CEP112: variants seen among roughly 807,000 people sequenced by gnomAD.
CEP112 encodes centrosomal protein 112.
CEP112 carries 127 observed loss-of-function variants against 153.0 expected under a neutral mutation model. That is an observed-to-expected ratio of 0.83 (90% CI 0.72 to 0.96). The LOEUF (loss-of-function observed/expected upper bound fraction) is 0.96, where lower values mean the gene tolerates loss of function less well. Ranked by LOEUF, CEP112 falls within the 40% of genes least tolerant of loss-of-function variation. The probability of loss-of-function intolerance (pLI) is 0.00; values close to 1 mark genes in which losing one functional copy is unlikely to be tolerated. For missense variants in CEP112, 1,089 were observed against 1,101.2 expected (o/e 0.99, Z 0.16); for synonymous variants, 358 against 374.4 (o/e 0.96, Z 0.51).
At chr17:66,168,665 A>C (rs1408811775) in intron 4 of CEP112, among the ~76,000 whole-genome samples, 1 of 152,118 alleles carries the variant, frequency 6.6e-6, no homozygotes, top group African/African-American at 2.4e-5. Context: ...CAGGCATATA[A>C]TAATCCTTCT....
At chr17:66,076,410 T>C (rs941803212) in intron 8 of CEP112, among the ~76,000 whole-genome samples, 2 of 152,058 alleles carry the variant, frequency 1.3e-5, no homozygotes, top group African/African-American at 2.4e-5. Context: ...GTGTGGGAGC[T>C]GGGTGAGAGC....
chr17:65,955,563 C>T (rs748252590), intron 18 of CEP112, among the ~76,000 whole-genome samples: 1 of 152,058 alleles, frequency 6.6e-6, no homozygotes, highest in Admixed American at 6.5e-5. Flanking sequence ...ATGGCAGAAT[C>T]GATAAGAATT....
intron 23 of CEP112, among the ~76,000 whole-genome samples, chr17:65,691,090 G>A (rs58679795): frequency 1.2e-3 from 190 of 152,120 alleles, no homozygotes; most frequent in African/African-American, 4.4e-3. Flanking sequence ...GCAGAGAGAG[G>A]AAAAAACAGG....
At chr17:66,140,642 C>G (rs1484130344) in intron 4 of CEP112, among the ~76,000 whole-genome samples, 1 of 151,892 alleles carries the variant, frequency 6.6e-6, no homozygotes. Flanking sequence ...AAAAAGAAAT[C>G]AAGAGAGCAG....
In CEP112 at chr17:66,096,500, C is replaced by T. The variant is rs537537266; in HGVS notation, c.690+85G>A. ...ACTATTATGTTTCCTAATGTAGATC[C>T]GCATTATTTTCTATAAATAACTTAG... is the stretch of plus-strand genomic sequence containing the variant. On this transcript the variant is annotated intron_variant, in intron 7 of 26. Transcript: ENST00000535342. 8.4e-5 allele frequency: 96 copies of T among 1,139,784 alleles called. 3 individuals carry two copies. In the East Asian group the frequency reaches 1.3e-3, roughly 15 times the overall value. 70.6% of individuals were successfully genotyped at this position (1,139,784 alleles called of 1,614,324 possible).
Position 65,927,662 on chromosome 17 carries a change from T to G in CEP112, c.1900A>C (p.Arg634=). 6.3e-7 allele frequency: 1 copy of G among 1,583,978 alleles called. No homozygotes were observed. Among genetic ancestry groups the G allele is most frequent in the South Asian group, 1.2e-5 (1 of 82,794 alleles). The change falls in exon 19 of 27, where the codon AGA becomes CGA. Residue 634 remains arginine (R), a synonymous_variant. Transcript: ENST00000535342. ...QMEKVEADLT[R]SKSLREKQSK... is the part of the protein sequence containing the mutation. ...TGTTTCTCACGAAGAGATTTGGATC[T>G]AGTTAGATCTGCCTCCACTTTTTCC...
chr17:66,160,928 G>T (rs1408160186), intron 4 of CEP112, among the ~76,000 whole-genome samples: 1 of 151,972 alleles, frequency 6.6e-6, no homozygotes, highest in Non-Finnish European at 1.5e-5. Context: ...GAAAATGTTT[G>T]CAATCTATCC....
At chr17:66,074,203 C>T (rs372347110) in intron 8 of CEP112, among the ~76,000 whole-genome samples, 2 of 151,830 alleles carry the variant, frequency 1.3e-5, no homozygotes, top group East Asian at 1.9e-4. Context: ...TTCAAAGGAA[C>T]AAAAATTCAC....
chr17:66,077,591 G>T (rs1023877811), intron 8 of CEP112, among the ~76,000 whole-genome samples: 1 of 152,136 alleles, frequency 6.6e-6, no homozygotes. Flanking sequence ...AAGAACAATC[G>T]GTATTCCTGA....
At chr17:65,847,974 T>C (rs1259135574) in intron 21 of CEP112, among the ~76,000 whole-genome samples, 1 of 152,126 alleles carries the variant, frequency 6.6e-6, no homozygotes, top group Non-Finnish European at 1.5e-5. Context: ...CCTTGCAGCC[T>C]TGTAGCCGAG....
chr17:65,861,536 A>G (rs1324655360), intron 20 of CEP112, among the ~76,000 whole-genome samples: 1 of 152,232 alleles, frequency 6.6e-6, no homozygotes, highest in East Asian at 1.9e-4. Context: ...CAGAATGCCT[A>G]AAGTATATCA....
At chr17:66,031,923 C>A (rs180846564) in intron 12 of CEP112, among the ~76,000 whole-genome samples, 3 of 152,308 alleles carry the variant, frequency 2.0e-5, no homozygotes, top group Non-Finnish European at 4.4e-5. Flanking sequence ...GTGGCCGAGG[C>A]AGCCAGGACT....
intron 21 of CEP112, among the ~76,000 whole-genome samples, chr17:65,795,841 A>G (rs2054880994): frequency 6.6e-6 from 1 of 152,142 alleles, no homozygotes; most frequent in African/African-American, 2.4e-5. Context: ...ATAATAAAAA[A>G]TAAAACTTAC....
At chr17:65,886,776 T>A (rs1484081087) in intron 20 of CEP112, among the ~76,000 whole-genome samples, 4 of 152,110 alleles carry the variant, frequency 2.6e-5, no homozygotes, top group Non-Finnish European at 5.9e-5. Flanking sequence ...TCAAACCAAA[T>A]TAATGTTTTA....
chr17:65,965,460 C>A (rs2062373827), intron 17 of CEP112, among the ~76,000 whole-genome samples: 1 of 151,754 alleles, frequency 6.6e-6, no homozygotes, highest in Non-Finnish European at 1.5e-5. Context: ...ATGTTCTTGT[C>A]CAGTAAAACC....
At chr17:65,938,281 G>A (rs1309254143) in intron 18 of CEP112, among the ~76,000 whole-genome samples, 1 of 141,708 alleles carries the variant, frequency 7.1e-6, no homozygotes, top group African/African-American at 2.6e-5. Flanking sequence ...CAAACACTGC[G>A]AAAGCCCGCA....
intron 6 of CEP112, among the ~76,000 whole-genome samples, chr17:66,117,398 T>C (rs370632879): frequency 4.6e-5 from 7 of 151,892 alleles, no homozygotes; most frequent in South Asian, 2.1e-4. Flanking sequence ...CTTAAAACAA[T>C]AAATAAAGCA....
At chr17:65,954,550 T>A (rs1337557578) in intron 18 of CEP112, among the ~76,000 whole-genome samples, 3 of 152,070 alleles carry the variant, frequency 2.0e-5, no homozygotes, top group African/African-American at 4.8e-5. Flanking sequence ...GAAGGTCAAT[T>A]ATTAAGCGAA....
At chr17:65,952,579 T>C (rs2061871750) in intron 18 of CEP112, among the ~76,000 whole-genome samples, 1 of 152,154 alleles carries the variant, frequency 6.6e-6, no homozygotes, top group African/African-American at 2.4e-5. Context: ...TCAGTATTTG[T>C]GCAATAGTCT....
Sources: gnomAD v4.1 joint callset for allele counts (sites outside exome capture counted in the v4.1 genomes callset) on GRCh38, gnomAD v4.1.1 for gene constraint, MANE v1.5 for transcripts, NCBI Gene and HGNC (gene_info 2026-07-23, HGNC 2026-07-21) for gene names.